Variants in NRXN3 observed in about 807,000 individuals in gnomAD.
The protein encoded by NRXN3 is neurexin 3.
Under a neutral mutation model 137.6 loss-of-function variants are expected in NRXN3, and 32 were observed. The ratio of observed to expected loss-of-function variants is 0.23; its 90% CI spans 0.18 to 0.31. The LOEUF (loss-of-function observed/expected upper bound fraction) is 0.31. Among genes scored for constraint, NRXN3 ranks in the 10% least tolerant of loss-of-function variants. The pLI is 1.00. For missense variants in NRXN3, 1,574 were observed against 2,062.5 expected (o/e 0.76, Z 4.59); for synonymous variants, 798 against 784.5 (o/e 1.02, Z -0.29).
chr14:79,005,804 AC>A (rs2099551321), intron 15 of NRXN3, among the ~76,000 whole-genome samples: 3 of 151,848 alleles, frequency 2.0e-5, no homozygotes, highest in Non-Finnish European at 2.9e-5. Flanking sequence ...TTGAACCAGG[AC>A]TATGTGATTA....
chr14:79,656,496 C>T (rs573305296), intron 16 of NRXN3, among the ~76,000 whole-genome samples: 5 of 152,100 alleles, frequency 3.3e-5, no homozygotes, highest in Non-Finnish European at 5.9e-5. Flanking sequence ...GACTTAGAGC[C>T]GTGGTAGCTT....
At chr14:79,035,534 T>C (rs1045449559) in intron 15 of NRXN3, among the ~76,000 whole-genome samples, 4 of 152,146 alleles carry the variant, frequency 2.6e-5, no homozygotes, top group African/African-American at 9.6e-5. Context: ...ATATGCTATA[T>C]ACTTATACAG....
At position 78,645,202 on chromosome 14, in the gene NRXN3, T is replaced by A; in HGVS notation, c.840T>A (p.Ser280Arg). The A allele has an allele frequency of 6.3e-7, 1 of 1,597,880 alleles. No homozygotes were observed. Among genetic ancestry groups the A allele is most frequent in the South Asian group, 1.1e-5 (1 of 90,740 alleles). ...CTCAGAACCCGATCCAGAGCAGCAG[T>A]GATGAAATCACCCTCTCCTTTAAGA... ...DLSQNPIQSSSDEITLSFKTW... is the reference protein window; with the variant it reads ...DLSQNPIQSSRDEITLSFKTW... The change falls in exon 5 of 21, where the codon AGT (serine) becomes AGA (arginine). Residue 280 changes from serine to arginine, a missense_variant. Transcript: ENST00000335750.
chr14:79,076,777 G>T (rs2046049442), intron 15 of NRXN3, among the ~76,000 whole-genome samples: 1 of 152,158 alleles, frequency 6.6e-6, no homozygotes, highest in African/African-American at 2.4e-5. Context: ...CCTTACACAG[G>T]TGTAAAAAGC....
At chr14:78,549,297 G>T (rs2152173272) in intron 4 of NRXN3, among the ~76,000 whole-genome samples, 1 of 152,304 alleles carries the variant, frequency 6.6e-6, no homozygotes, top group East Asian at 1.9e-4. Context: ...ACTATTTTGA[G>T]TTCTCACCTT....
rs574903105 is a variant in NRXN3 at position 79,385,840 on chromosome 14, A to G, written c.3263-81381A>G. Among the ~76,000 whole-genome samples, 27 of 152,330 alleles carry G rather than the reference A, an allele frequency of 1.8e-4. 1 individual carries two copies. The South Asian group carries it at 5.6e-3, about 32-fold the overall frequency. On this transcript the variant is annotated intron_variant, in intron 15 of 20. Coordinates refer to ENST00000335750, the MANE Select transcript of NRXN3 (RefSeq NM_001330195.2). The stretch of plus-strand genomic sequence containing the variant: ...AAATGTAACCCAGCATATAAACAGA[A>G]CCAAAGACAAAAACCACATGATTAT...
At chr14:79,007,842 T>C (rs1344226599) in intron 15 of NRXN3, among the ~76,000 whole-genome samples, 1 of 150,396 alleles carries the variant, frequency 6.6e-6, no homozygotes, top group Non-Finnish European at 1.5e-5. Context: ...GAAAAATGTG[T>C]TGATTACAGA....
intron 15 of NRXN3, among the ~76,000 whole-genome samples, chr14:79,308,553 G>A (rs113326645): frequency 0.015 from 2,247 of 152,206 alleles, 54 homozygotes; most frequent in African/African-American, 0.051. Flanking sequence ...CTTTGATCAT[G>A]TATGAGTGCC....
intron 4 of NRXN3, among the ~76,000 whole-genome samples, chr14:78,547,615 A>G (rs2096649043): frequency 6.6e-6 from 1 of 152,034 alleles, no homozygotes; most frequent in Admixed American, 6.5e-5. Flanking sequence ...AAAATATAGT[A>G]TGTTTCCTCT....
chr14:79,403,613 A>G (rs1271796434), intron 15 of NRXN3, among the ~76,000 whole-genome samples: 2 of 152,096 alleles, frequency 1.3e-5, no homozygotes, highest in Non-Finnish European at 2.9e-5. Flanking sequence ...GTGAGTAAAG[A>G]CCTCCTACTT....
At chr14:79,330,708 A>C (rs988512572) in intron 15 of NRXN3, among the ~76,000 whole-genome samples, 5 of 152,210 alleles carry the variant, frequency 3.3e-5, no homozygotes, top group African/African-American at 1.2e-4. Context: ...AGCATAGAGA[A>C]GAGAAAGAAA....
chr14:78,651,359 T>C, intron 6 of NRXN3, 33 bp downstream of exon 6: 1 of 1,602,924 alleles, frequency 6.2e-7, no homozygotes, highest in Non-Finnish European at 8.5e-7. Context: ...TAATGCACCA[T>C]GTGATTGTTT....
intron 10 of NRXN3, among the ~76,000 whole-genome samples, chr14:78,888,871 A>ACACACACACACACCCC (rs1491176672): frequency 1.4e-5 from 2 of 146,230 alleles, no homozygotes; most frequent in African/African-American, 5.2e-5. Context: ...ACACACACAC[A>ACACACACACACACCCC]CCCCAGATTT....
Position 78,938,842 on chromosome 14 carries a change from A to ATTTTTTTTTTTT in NRXN3, c.2276-18395_2276-18394insTTTTTTTTTTTT, listed in dbSNP as rs1312407059. On this transcript the variant is annotated intron_variant, in intron 10 of 20. Coordinates refer to ENST00000335750, the MANE Select transcript of NRXN3 (RefSeq NM_001330195.2). Reference sequence around the variant, plus strand: ...ACTTTATATTTGAAGGTCCAGAGTGATTTTTCTTTTTTTTTTTTTTTTGAG... The same window carrying ATTTTTTTTTTTT: ...ACTTTATATTTGAAGGTCCAGAGTGATTTTTTTTTTTTTTTTTCTTTTTTTTTTTTTTTTGAG... Among the ~76,000 whole-genome samples, 70 of 134,372 alleles carry ATTTTTTTTTTTT rather than the reference A, an allele frequency of 5.2e-4. No individual in the cohort carries two copies. In the East Asian group the frequency reaches 0.012, roughly 24 times the overall value. The allele number at this position is 134,372 out of a possible 152,430, so 88.2% of individuals were successfully genotyped here.
intron 15 of NRXN3, among the ~76,000 whole-genome samples, chr14:79,438,780 A>G (rs754075039): frequency 3.3e-5 from 5 of 152,256 alleles, no homozygotes; most frequent in Non-Finnish European, 7.3e-5. Flanking sequence ...GACTTTGTTT[A>G]TGCCATTTGT....
intron 15 of NRXN3, among the ~76,000 whole-genome samples, chr14:79,410,560 A>G (rs979169193): frequency 4.2e-4 from 64 of 152,042 alleles, no homozygotes; most frequent in Admixed American, 5.9e-4. Flanking sequence ...GTAATAATTA[A>G]AGTTATAAGC....
chr14:78,214,074 A>C (rs562393522), intron 1 of NRXN3, among the ~76,000 whole-genome samples: 1 of 152,140 alleles, frequency 6.6e-6, no homozygotes, highest in Admixed American at 6.5e-5. Context: ...AGTGGTTTCA[A>C]CTGTTCTTCA....
At chr14:78,405,616 G>GGGGC (rs2092432877) in intron 4 of NRXN3, among the ~76,000 whole-genome samples, 2 of 143,068 alleles carry the variant, frequency 1.4e-5, no homozygotes, top group African/African-American at 2.5e-5. Flanking sequence ...GAAGGGGCGG[G>GGGGC]GGGGTTCCGG....
intron 15 of NRXN3, among the ~76,000 whole-genome samples, chr14:79,310,703 T>A (rs2153230118): frequency 1.2e-5 from 1 of 86,624 alleles, no homozygotes; most frequent in Non-Finnish European, 2.1e-5. Flanking sequence ...CAATTGTGAA[T>A]GGGAGTTCAC....
Sources: gnomAD v4.1 joint callset for allele counts (sites outside exome capture counted in the v4.1 genomes callset) on GRCh38, gnomAD v4.1.1 for gene constraint, MANE v1.5 for transcripts, NCBI Gene and HGNC (gene_info 2026-07-23, HGNC 2026-07-21) for gene names.